Variants in TTC21A observed in about 807,000 individuals in gnomAD.
TTC21A encodes tetratricopeptide repeat domain 21A.
In TTC21A, 128 loss-of-function variants were observed where a neutral mutation model predicts 156.4. The ratio of observed to expected loss-of-function variants is 0.82; its 90% CI spans 0.71 to 0.95. The LOEUF (loss-of-function observed/expected upper bound fraction) is 0.95, where lower values mean the gene tolerates loss of function less well. Ranked by LOEUF, TTC21A falls within the 40% of genes least tolerant of loss-of-function variation. The probability of loss-of-function intolerance (pLI) is 0.00; values close to 1 mark genes in which losing one functional copy is unlikely to be tolerated. For synonymous variants in TTC21A, 587 were observed against 617.1 expected (o/e 0.95, Z 0.72); for missense variants, 1,435 against 1,602.3 (o/e 0.90, Z 1.78).
At chr3:39,126,440 T>G (rs2038251596) in intron 12 of TTC21A, 50 bp downstream of exon 12, 1 of 1,599,266 alleles carries the variant, frequency 6.3e-7, no homozygotes, top group Admixed American at 1.7e-5. Flanking sequence ...ACACCTGATG[T>G]AGCTTTGTGT....
In TTC21A at chr3:39,126,351, G is replaced by A. The variant is rs1354847748; in HGVS notation, c.1483G>A (p.Asp495Asn). The A allele has an allele frequency of 1.9e-6, 3 of 1,613,826 alleles. No homozygotes were observed. Among genetic ancestry groups the A allele is most frequent in the African/African-American group, 1.3e-5 (1 of 74,828 alleles). ...PVVKAAPALI[D>N]PLYLMAQVRY... Reference sequence around the variant, plus strand: ...AGTCAAAGCAGCACCAGCTCTGATCGACCCCCTGTATTTGATGGCTCAGGT... The same window carrying A: ...AGTCAAAGCAGCACCAGCTCTGATCAACCCCCTGTATTTGATGGCTCAGGT... The change falls in exon 12 of 29, where the codon GAC (aspartate) becomes AAC (asparagine). Residue 495 changes from aspartate (D) to asparagine (N), a missense_variant. By Grantham distance (23) the Asp-to-Asn change is conservative. Coordinates refer to ENST00000683103, the MANE Select transcript of TTC21A (RefSeq NM_001366900.1).
intron 10 of TTC21A, 37 bp downstream of exon 10, chr3:39,125,197 GA>G (rs1559693197): frequency 1.3e-6 from 2 of 1,562,866 alleles, no homozygotes; most frequent in Non-Finnish European, 1.8e-6. Context: ...GCTCCAGGAT[GA>G]TGTCCTCTGC....
chr3:39,110,339 A>C, intron 3 of TTC21A, 200 bp downstream of exon 3: 1 of 637,586 alleles, frequency 1.6e-6, no homozygotes, highest in Non-Finnish European at 2.8e-6. Flanking sequence ...GGCCCAACTG[A>C]GTGGAAGCAG....
In TTC21A at chr3:39,110,964, A is replaced by G. The variant is rs759659867; in HGVS notation, c.382A>G (p.Lys128Glu). ...LFLWLIGRHD[K>E]AKEYIDRMLK... The stretch of plus-strand genomic sequence containing the variant: ...CCTCTGGCTCATAGGCCGCCATGAC[A>G]AGGCCAAAGAGTACATTGACCGCAT... The change falls in exon 4 of 29, where the codon AAG becomes GAG. Residue 128 changes from lysine to glutamate, a missense_variant. Coordinates refer to ENST00000683103, the MANE Select transcript of TTC21A (RefSeq NM_001366900.1). 1 of 1,613,954 alleles carries G rather than the reference A, an allele frequency of 6.2e-7. No homozygotes were observed. The highest frequency in any genetic ancestry group is 1.7e-5 in the Admixed American group (1 of 60,024).
intron 26 of TTC21A, 89 bp downstream of exon 26, chr3:39,137,799 G>A: frequency 7.3e-7 from 1 of 1,378,330 alleles, no homozygotes; most frequent in Admixed American, 2.0e-5. Context: ...GCAGGTAGAG[G>A]CCATATGGAA....
At chr3:39,120,417 T>G (rs1041925461) in intron 8 of TTC21A, among the ~76,000 whole-genome samples, 5 of 152,218 alleles carry the variant, frequency 3.3e-5, no homozygotes, top group Admixed American at 2.0e-4. Flanking sequence ...CTGAGAAGGC[T>G]GGCCTGCCTA....
At chr3:39,128,066 T>G (rs2038412819) in intron 12 of TTC21A, among the ~76,000 whole-genome samples, 1 of 152,182 alleles carries the variant, frequency 6.6e-6, no homozygotes, top group Non-Finnish European at 1.5e-5. Context: ...GTGAAGTGAC[T>G]TAGCTATCTC....
At chr3:39,118,375 T>A (rs754589097) in intron 7 of TTC21A, 9 of 593,488 alleles carry the variant, frequency 1.5e-5, no homozygotes, top group Non-Finnish European at 2.7e-5. Context: ...TGAGATTGAT[T>A]CTAGGCTCTG....
At chr3:39,116,294 CT>C (rs2037284189) in intron 6 of TTC21A, among the ~76,000 whole-genome samples, 1 of 152,170 alleles carries the variant, frequency 6.6e-6, no homozygotes, top group African/African-American at 2.4e-5. Flanking sequence ...GTTTTCACCC[CT>C]AATATATTTT....
In TTC21A at chr3:39,128,274, T is replaced by G. The variant is rs79960752; in HGVS notation, c.1523-57T>G. 1.4e-4 allele frequency: 219 copies of G among 1,565,470 alleles called. 1 individual carries two copies. The African/African-American group carries it at 2.8e-3, about 20-fold the overall frequency. On this transcript the variant is annotated intron_variant, in intron 12 of 28. Transcript: ENST00000683103. ...GTAAAATTCATTCTGCCCTTGCATA[T>G]CAGGTCTTAGGAGCCCTTGGGAACC...
Position 39,130,600 on chromosome 3 carries a change from C to A in TTC21A, c.2320-101C>A. On this transcript the variant is annotated intron_variant, in intron 17 of 28. Coordinates refer to ENST00000683103, the MANE Select transcript of TTC21A (RefSeq NM_001366900.1). The surrounding 1 kb of genome is among the most constrained non-coding windows in gnomAD (Gnocchi z 4.5). ...GTGCCTTTTCACTTTAGGCTATGTT[C>A]TGGAGGGGCACACTGGTGTGATGGC... 2 of 1,466,166 alleles carry A rather than the reference C, an allele frequency of 1.4e-6. No individual in the cohort carries two copies. The highest frequency in any genetic ancestry group is 1.9e-6 in the Non-Finnish European group (2 of 1,067,936). The allele number at this position is 1,466,166 out of a possible 1,614,324, so 90.8% of individuals were successfully genotyped here. A position where few individuals can be genotyped will look rare whatever the true frequency, so the allele number is the denominator to read the frequency against.
intron 7 of TTC21A, 124 bp from the exon 8 acceptor site, chr3:39,119,798 G>A: frequency 1.5e-6 from 1 of 688,722 alleles, no homozygotes; most frequent in East Asian, 2.6e-5. Context: ...CTGGGGGGTT[G>A]TGCCTGGGCA....
chr3:39,111,036 G>A lies in TTC21A; in HGVS notation c.435+19G>A. ...CAGAGAGGTACTTACCACACCATGG[G>A]GACAACAGGCGAAGAAAGCAGCATC... On this transcript the variant is annotated intron_variant, in intron 4 of 28. Transcript: ENST00000683103. The A allele has an allele frequency of 1.3e-6, 2 of 1,581,958 alleles. No individual in the cohort carries two copies. Among genetic ancestry groups the A allele is most frequent in the Non-Finnish European group, 1.7e-6 (2 of 1,160,650 alleles).
chr3:39,120,434 T>G (rs549638824), intron 8 of TTC21A, among the ~76,000 whole-genome samples: 1 of 152,318 alleles, frequency 6.6e-6, no homozygotes, highest in African/African-American at 2.4e-5. Flanking sequence ...CCTAGGCCTC[T>G]CAAACATCAG....
In TTC21A at chr3:39,107,786, C is replaced by T. The variant is rs28362644; in HGVS notation, c.-52C>T. On this transcript the variant is annotated 5_prime_UTR_variant, in exon 1 of 29. Coordinates refer to ENST00000683103, the MANE Select transcript of TTC21A (RefSeq NM_001366900.1). ...TGCCCACGACCCTGCCTCGGGAATC[C>T]CGCTCTGCACCGCCCCACCAGACCC... The T allele has an allele frequency of 0.023, 36,523 of 1,610,892 alleles. 1,133 individuals are homozygous for T. Among genetic ancestry groups the T allele is most frequent in the East Asian group, 0.15 (6,592 of 44,844 alleles).
chr3:39,134,908 TGGGGGCC>T lies in TTC21A; in HGVS notation c.2863-184_2863-178del. 1 of 611,886 alleles carries T rather than the reference TGGGGGCC, an allele frequency of 1.6e-6. No homozygotes were observed. The highest frequency in any genetic ancestry group is 2.8e-5 in the Admixed American group (1 of 35,662). The allele number at this position is 611,886 out of a possible 1,614,324, so 37.9% of individuals were successfully genotyped here. A position where few individuals can be genotyped will look rare whatever the true frequency, so the allele number is the denominator to read the frequency against. On this transcript the variant is annotated intron_variant, in intron 21 of 28. Coordinates refer to ENST00000683103, the MANE Select transcript of TTC21A (RefSeq NM_001366900.1). The surrounding 1 kb of genome is among the most constrained non-coding windows in gnomAD (Gnocchi z 4.6). ...CCTTGGGAAGTCCTCACCTTCTGGG[TGGGGGCC>T]TGAGAAACCCTCAGGCTTCTCCTGT...
In TTC21A at chr3:39,114,569, G is replaced by C. The variant is rs373334056; in HGVS notation, c.559-16G>C. The stretch of plus-strand genomic sequence containing the variant: ...GCACTCCCTTCACGGAGGCTCTTCT[G>C]TCTGGCTCCCAACAGGCAATGTACT... On this transcript the variant is annotated splice_polypyrimidine_tract_variant and intron_variant, in intron 5 of 28. Transcript: ENST00000683103. 14 of 1,613,712 alleles carry C rather than the reference G, an allele frequency of 8.7e-6. No individual in the cohort carries two copies. In the African/African-American group the frequency reaches 1.2e-4, roughly 14 times the overall value.
rs1345507749 is a variant in TTC21A at position 39,137,346 on chromosome 3, G to T, written c.3409G>T (p.Glu1137Ter). The T allele has an allele frequency of 5.6e-6, 9 of 1,613,818 alleles. No homozygotes were observed. The highest frequency in any genetic ancestry group is 7.6e-6 in the Non-Finnish European group (9 of 1,179,876). Reference protein sequence around the residue: ...RLATREKANMEAALGSFIQIA... With the variant: ...RLATREKANM ...GGCCACCAGGGAGAAGGCTAACATG[G>T]AGGCTGCGCTGGGCAGCTTCATCCA... The change falls in exon 25 of 29, where the codon GAG becomes TAG. Residue 1137 changes from glutamate (E) to a stop codon, truncating the protein, a stop_gained. Coordinates refer to ENST00000683103, the MANE Select transcript of TTC21A (RefSeq NM_001366900.1). LOFTEE classifies it high-confidence loss of function.
rs1194251249 is a variant in TTC21A, at chr3:39,137,593, G to A, written c.3558G>A (p.Val1186=). 1 of 1,614,260 alleles carries A rather than the reference G, an allele frequency of 6.2e-7. No homozygotes were observed. The highest frequency in any genetic ancestry group is 1.1e-5 in the South Asian group (1 of 91,088). The change falls in exon 26 of 29, where the codon GTG becomes GTA. Residue 1186 remains valine (V), a synonymous_variant. Transcript: ENST00000683103. ...AGCGCCTGGCCAAGACCCCCTGGGTGCTGAGTGAGGCTGAGGACCTGGAGA... is the reference window on the plus strand; with the variant it reads ...AGCGCCTGGCCAAGACCCCCTGGGTACTGAGTGAGGCTGAGGACCTGGAGA... ...QLKRLAKTPW[V]LSEAEDLEKS...
Sources: allele counts gnomAD v4.1 joint callset (sites outside exome capture counted in the v4.1 genomes callset), GRCh38; gene constraint gnomAD v4.1.1; non-coding constraint Gnocchi (gnomAD v3.1); transcripts MANE v1.5; gene names NCBI Gene and HGNC (gene_info 2026-07-23, HGNC 2026-07-21).